Variants in SLC9A2 observed in about 807,000 individuals in gnomAD.
The protein encoded by SLC9A2 is sodium/hydrogen exchanger 2.
SLC9A2 carries 42 observed loss-of-function variants against 71.7 expected under a neutral mutation model. That is an observed-to-expected ratio of 0.59 (90% confidence interval 0.46 to 0.76). The LOEUF (loss-of-function observed/expected upper bound fraction) is 0.76. Ranked by LOEUF, SLC9A2 falls within the 30% of genes least tolerant of loss-of-function variation. The pLI is 0.00. For missense variants in SLC9A2, 829 were observed against 1,017.4 expected (o/e 0.81, Z 2.52); for synonymous variants, 396 against 392.5 (o/e 1.01, Z -0.10).
intron 7 of SLC9A2, chr2:102,697,222 TCA>T (rs1677784452): frequency 1.3e-5 from 2 of 152,222 alleles, no homozygotes; most frequent in Admixed American, 6.5e-5. Context: ...TAGATCGGCC[TCA>T]CACAGTAATG....
chr2:102,706,834 C>T, intron 11 of SLC9A2, among the ~76,000 whole-genome samples: 1 of 152,114 alleles, frequency 6.6e-6, no homozygotes, highest in East Asian at 1.9e-4. Flanking sequence ...TATATTTATT[C>T]TGGCTATAAC....
chr2:102,693,768 T>C (rs1014014274), intron 5 of SLC9A2, among the ~76,000 whole-genome samples: 9 of 152,248 alleles, frequency 5.9e-5, no homozygotes, highest in African/African-American at 2.2e-4. Flanking sequence ...TCTGACTTTG[T>C]ATAAGACTGC....
intron 1 of SLC9A2, among the ~76,000 whole-genome samples, chr2:102,623,388 G>A (rs111388116): frequency 1.3e-4 from 20 of 152,230 alleles, no homozygotes; most frequent in African/African-American, 4.6e-4. Flanking sequence ...AGATTCGTCT[G>A]CATAGAGCCC....
At chr2:102,695,325 G>A (rs1677735229) in intron 7 of SLC9A2, among the ~76,000 whole-genome samples, 2 of 152,164 alleles carry the variant, frequency 1.3e-5, no homozygotes, top group African/African-American at 4.8e-5. Context: ...AATAGCCAGA[G>A]ATAGGCAATT....
Position 102,676,312 on chromosome 2 carries a change from C to T in SLC9A2, c.1005-6949C>T, listed in dbSNP as rs1297767136. Among the ~76,000 whole-genome samples, 6 of 152,294 alleles carry T rather than the reference C, an allele frequency of 3.9e-5. No homozygotes were observed. The South Asian group carries it at 8.3e-4, about 21-fold the overall frequency. Reference sequence around the variant, plus strand: ...TAACACTCCCCAGCTAGAATGGGGACACTCCATGGGACACTTGATGCCTGT... The same window carrying T: ...TAACACTCCCCAGCTAGAATGGGGATACTCCATGGGACACTTGATGCCTGT... On this transcript the variant is annotated intron_variant, in intron 3 of 11. Coordinates refer to ENST00000233969, the MANE Select transcript of SLC9A2 (RefSeq NM_003048.6).
intron 1 of SLC9A2, among the ~76,000 whole-genome samples, chr2:102,625,664 A>G (rs953074917): frequency 1.3e-5 from 2 of 152,082 alleles, no homozygotes; most frequent in Non-Finnish European, 2.9e-5. Flanking sequence ...CATTTTTTAC[A>G]GCTGCATAGT....
At chr2:102,681,773 T>C (rs748356678) in intron 3 of SLC9A2, among the ~76,000 whole-genome samples, 2 of 152,244 alleles carry the variant, frequency 1.3e-5, no homozygotes, top group Non-Finnish European at 2.9e-5. Context: ...GCTCAGTGTG[T>C]GGTCCTTAGA....
chr2:102,620,018 C>T lies in SLC9A2; in HGVS notation c.170C>T (p.Ala57Val), dbSNP rs1197864973. The stretch of plus-strand genomic sequence containing the variant: ...CCGCCTAGCCCTGCGAGCGTGGTGG[C>T]TCCCGGAACGACGCTGTTCGAGGAG... ...SSPPSPASVV[A>V]PGTTLFEESR... The change falls in exon 1 of 12, where the codon GCT becomes GTT. Residue 57 changes from alanine to valine, a missense_variant. Around this residue, in one of 3 missense-constraint regions of SLC9A2, gnomAD observed 106 missense variants for 93.5 expected, o/e 1.13. Transcript: ENST00000233969. The T allele has an allele frequency of 1.9e-6, 3 of 1,613,998 alleles. No homozygotes were observed. Among genetic ancestry groups the T allele is most frequent in the Non-Finnish European group, 1.7e-6 (2 of 1,180,016 alleles).
chr2:102,621,263 G>C (rs1328816341), intron 1 of SLC9A2, among the ~76,000 whole-genome samples: 1 of 148,332 alleles, frequency 6.7e-6, no homozygotes, highest in Non-Finnish European at 1.5e-5. Flanking sequence ...GAGGAGGATC[G>C]CTTAAACTCA....
Position 102,708,416 on chromosome 2 carries a change from C to G in SLC9A2, c.2366C>G (p.Pro789Arg). Reference protein sequence around the residue: ...DSLTEGIPPKPPPRLVWRASE... With the variant: ...DSLTEGIPPKRPPRLVWRASE... ...TTGACTGAAGGCATCCCGCCCAAGC[C>G]GCCACCACGGCTGGTCTGGAGGGCA... is the stretch of plus-strand genomic sequence containing the variant. Residue 789 changes from proline to arginine, a missense_variant, in exon 12 of 12, where the codon CCG (proline) becomes CGG (arginine). Physicochemically the swap from Pro to Arg is moderately radical, Grantham distance 103. This residue lies in a region of SLC9A2 where 223 missense variants were observed against 197.5 expected (regional missense o/e 1.13). Transcript: ENST00000233969. 1 of 1,614,180 alleles carries G rather than the reference C, an allele frequency of 6.2e-7. No homozygotes were observed. Among genetic ancestry groups the G allele is most frequent in the Middle Eastern group, 1.6e-4 (1 of 6,062 alleles).
rs529750541 is a variant in SLC9A2, at chr2:102,687,823, G to A, written c.1425+3487G>A. Among the ~76,000 whole-genome samples the A allele has an allele frequency of 9.2e-5, 14 of 151,954 alleles. No homozygotes were observed. In the East Asian group the frequency reaches 2.7e-3, roughly 29 times the overall value. On this transcript the variant is annotated intron_variant, in intron 5 of 11. Coordinates refer to ENST00000233969, the MANE Select transcript of SLC9A2 (RefSeq NM_003048.6). The stretch of plus-strand genomic sequence containing the variant: ...AGACAGAGTGTCACTCTGTCACCTA[G>A]GCTGGAGTGCAGTGGCACGATCTTG...
intron 1 of SLC9A2, among the ~76,000 whole-genome samples, chr2:102,627,639 T>C (rs1165209837): frequency 1.3e-5 from 2 of 152,166 alleles, no homozygotes; most frequent in East Asian, 3.8e-4. Flanking sequence ...CTTGATCAGG[T>C]ATGCAGGAGT....
chr2:102,652,005 C>T (rs528423692), intron 1 of SLC9A2, among the ~76,000 whole-genome samples: 36 of 152,202 alleles, frequency 2.4e-4, no homozygotes, highest in African/African-American at 4.8e-4. Context: ...TTCTGTCATT[C>T]GTCTCTTCTT....
At position 102,707,053 on chromosome 2, in the gene SLC9A2, A is replaced by G. The variant is rs544557311; in HGVS notation, c.2069-1066A>G. Reference sequence around the variant, plus strand: ...AGTGTGAGCTAAACATTAGATACACAGGACACAAAGGCGGGAAAAATAAAC... The same window carrying G: ...AGTGTGAGCTAAACATTAGATACACGGGACACAAAGGCGGGAAAAATAAAC... On this transcript the variant is annotated intron_variant, in intron 11 of 11. Coordinates refer to ENST00000233969, the MANE Select transcript of SLC9A2 (RefSeq NM_003048.6). 6.6e-5 allele frequency among the ~76,000 whole-genome samples: 10 copies of G among 152,328 alleles called. No individual in the cohort carries two copies. In the East Asian group the frequency reaches 1.9e-3, roughly 29 times the overall value.
intron 1 of SLC9A2, among the ~76,000 whole-genome samples, chr2:102,648,257 A>G (rs906075782): frequency 6.6e-6 from 1 of 152,218 alleles, no homozygotes; most frequent in African/African-American, 2.4e-5. Flanking sequence ...GATTATCTAA[A>G]TAGATGCAGA....
At chr2:102,684,570 C>G (rs567681097) in intron 5 of SLC9A2, among the ~76,000 whole-genome samples, 2 of 152,186 alleles carry the variant, frequency 1.3e-5, no homozygotes, top group African/African-American at 2.4e-5. Flanking sequence ...CTAAACTAAG[C>G]GCTCTAATCT....
Position 102,673,529 on chromosome 2 carries a change from C to T in SLC9A2, c.1004+8179C>T, listed in dbSNP as rs139621729. On this transcript the variant is annotated intron_variant, in intron 3 of 11. Coordinates refer to ENST00000233969, the MANE Select transcript of SLC9A2 (RefSeq NM_003048.6). ...TAAATTACATAAAACTTTAACAATT[C>T]GCTCCTGAATTAAGAACTGATTCTT... 2.5e-3 allele frequency among the ~76,000 whole-genome samples: 382 copies of T among 152,146 alleles called. 2 individuals carry two copies. The highest frequency in any genetic ancestry group is 8.6e-3 in the African/African-American group (355 of 41,498).
intron 1 of SLC9A2, among the ~76,000 whole-genome samples, chr2:102,621,947 GA>G (rs1281638353): frequency 6.6e-6 from 1 of 152,208 alleles, no homozygotes; most frequent in African/African-American, 2.4e-5. Flanking sequence ...TGGTTTACAG[GA>G]GGGTGGAAGT....
intron 1 of SLC9A2, among the ~76,000 whole-genome samples, chr2:102,632,785 A>G (rs953041105): frequency 6.6e-6 from 1 of 152,186 alleles, no homozygotes; most frequent in Non-Finnish European, 1.5e-5. Context: ...TAGAAATTTC[A>G]CCTAAAAATG....
Sources: allele counts gnomAD v4.1 joint callset (sites outside exome capture counted in the v4.1 genomes callset), GRCh38; gene constraint gnomAD v4.1.1; regional missense constraint gnomAD v4.1.1; transcripts MANE v1.5; gene names NCBI Gene and HGNC (gene_info 2026-07-23, HGNC 2026-07-21).